The following AP3S2 variants were observed in gnomAD, a reference collection of about 807,000 sequenced individuals.
AP3S2 encodes the protein adaptor related protein complex 3 subunit sigma 2, also known as AP-3 complex subunit sigma-2.
A neutral mutation model predicts 23.4 loss-of-function variants in AP3S2; 22 were observed. The ratio of observed to expected loss-of-function variants is 0.94; its 90% CI spans 0.67 to 1.34. AP3S2 has a LOEUF of 1.34. Ranked by LOEUF, AP3S2 falls within the 40% of genes most tolerant of loss-of-function variation. The pLI is 0.00. For missense variants in AP3S2, 241 were observed against 236.9 expected (o/e 1.02, Z -0.11); for synonymous variants, 86 against 87.1 (o/e 0.99, Z 0.07).
chr15:89,875,202 T>C (rs1311114029), intron 3 of AP3S2, among the ~76,000 whole-genome samples: 7 of 152,252 alleles, frequency 4.6e-5, no homozygotes, highest in South Asian at 2.1e-4. Flanking sequence ...CCAGAGCACA[T>C]GCGAGGAGAG....
At position 89,857,161 on chromosome 15, in the gene AP3S2, G is replaced by A. The variant is rs144807329; in HGVS notation, c.345+14314C>T. ...AACTGGGCTGGGGCTGGGCACGGTG[G>A]AGGAGAGACAGGGTTTCAACATGTT... On this transcript the variant is annotated intron_variant, in intron 4 of 5. Coordinates refer to ENST00000336418, the MANE Select transcript of AP3S2 (RefSeq NM_005829.5). Among the ~76,000 whole-genome samples the A allele has an allele frequency of 2.2e-3, 342 of 152,252 alleles. 4 individuals carry two copies. The highest frequency in any genetic ancestry group is 7.7e-4 in the East Asian group (4 of 5,186).
intron 5 of AP3S2, among the ~76,000 whole-genome samples, chr15:89,837,023 C>T (rs550905140): frequency 2.0e-5 from 3 of 152,168 alleles, no homozygotes; most frequent in African/African-American, 4.8e-5. Context: ...AGGAAGGGGA[C>T]GGCGAGACCT....
At chr15:89,871,777 A>G (rs1446514024) in intron 3 of AP3S2, among the ~76,000 whole-genome samples, 4 of 152,190 alleles carry the variant, frequency 2.6e-5, no homozygotes, top group African/African-American at 9.7e-5. Flanking sequence ...ATAGCAACAC[A>G]ACCAGCAGAC....
chr15:89,877,445 CAT>C, intron 3 of AP3S2: 1 of 1,236,696 alleles, frequency 8.1e-7, no homozygotes, highest in South Asian at 1.2e-5. Flanking sequence ...ATACACGTAA[CAT>C]AAAATTTACC....
rs975770937 is a variant in AP3S2, at chr15:89,875,810, G to A, written c.274-4264C>T. Among the ~76,000 whole-genome samples, 5 of 152,160 alleles carry A rather than the reference G, an allele frequency of 3.3e-5. 1 individual carries two copies. The highest frequency in any genetic ancestry group is 2.1e-4 in the South Asian group (1 of 4,828). ...TAAAAAACACAAAAGTTAGCCAGGC[G>A]TGGTGGTGTGTGCCTGTGATTCCAG... is the stretch of plus-strand genomic sequence containing the variant. On this transcript the variant is annotated intron_variant, in intron 3 of 5. Coordinates refer to ENST00000336418, the MANE Select transcript of AP3S2 (RefSeq NM_005829.5).
chr15:89,871,569 T>TA (rs759954502), intron 3 of AP3S2, 23 bp from the exon 4 acceptor site: 1 of 1,610,782 alleles, frequency 6.2e-7, no homozygotes, highest in Non-Finnish European at 8.5e-7. Context: ...GAGAAATAGA[T>TA]AAAGAAGAGA....
chr15:89,842,685 T>C (rs563784490), intron 4 of AP3S2, among the ~76,000 whole-genome samples: 3 of 152,246 alleles, frequency 2.0e-5, no homozygotes, highest in African/African-American at 7.2e-5. Context: ...CGATCTCGGC[T>C]CAGTGCAACC....
At chr15:89,867,891 C>A (rs1156662723) in intron 4 of AP3S2, among the ~76,000 whole-genome samples, 1 of 131,150 alleles carries the variant, frequency 7.6e-6, no homozygotes, top group Non-Finnish European at 1.7e-5. Context: ...AGCGGCTCCG[C>A]CCGGCAGCCA....
intron 5 of AP3S2, among the ~76,000 whole-genome samples, chr15:89,836,149 T>C (rs1895186580): frequency 6.6e-6 from 1 of 152,074 alleles, no homozygotes; most frequent in South Asian, 2.1e-4. Context: ...AAAACAATCT[T>C]GAGGTTAGAT....
At chr15:89,836,112 C>T (rs912329396) in intron 5 of AP3S2, among the ~76,000 whole-genome samples, 1 of 152,088 alleles carries the variant, frequency 6.6e-6, no homozygotes, top group Non-Finnish European at 1.5e-5. Context: ...TTTAACTTTC[C>T]CCCCTTATTC....
At chr15:89,881,272 G>A (rs1002915981) in intron 3 of AP3S2, among the ~76,000 whole-genome samples, 1 of 152,156 alleles carries the variant, frequency 6.6e-6, no homozygotes, top group Non-Finnish European at 1.5e-5. Context: ...GCTGTAATAG[G>A]GGGCTTGGGT....
chr15:89,884,429 C>T (rs1389380355), intron 3 of AP3S2, among the ~76,000 whole-genome samples: 1 of 151,626 alleles, frequency 6.6e-6, no homozygotes, highest in African/African-American at 2.4e-5. Context: ...AAAAACCACT[C>T]AACACACAGA....
chr15:89,841,774 T>A (rs1010975477), intron 4 of AP3S2, among the ~76,000 whole-genome samples: 5 of 152,098 alleles, frequency 3.3e-5, no homozygotes, highest in Non-Finnish European at 7.4e-5. Context: ...ACAAACATCC[T>A]GCAAAACAGC....
intron 4 of AP3S2, among the ~76,000 whole-genome samples, chr15:89,847,856 G>C (rs756465405): frequency 1.8e-4 from 27 of 152,138 alleles, no homozygotes; most frequent in Non-Finnish European, 3.7e-4. Context: ...CATGAAAGCA[G>C]ACTTAAATCC....
chr15:89,876,987 A>G (rs1896457707), intron 3 of AP3S2: 1 of 280,312 alleles, frequency 3.6e-6, no homozygotes, highest in South Asian at 3.5e-5. Context: ...AATCCAGTGA[A>G]ATTTGCTGAA....
chr15:89,879,325 T>C (rs1324537067), intron 3 of AP3S2, among the ~76,000 whole-genome samples: 3 of 152,254 alleles, frequency 2.0e-5, no homozygotes, highest in Admixed American at 1.3e-4. Flanking sequence ...ACACATGCCC[T>C]TATTAAAGCA....
At chr15:89,868,927 G>T (rs1465136800) in intron 4 of AP3S2, among the ~76,000 whole-genome samples, 3 of 125,756 alleles carry the variant, frequency 2.4e-5, no homozygotes, top group Non-Finnish European at 3.3e-5. Flanking sequence ...CCGGCCAGCC[G>T]CCCCGTCCGG....
At position 89,834,118 on chromosome 15, in the gene AP3S2, G is replaced by C. The variant is rs772535288; in HGVS notation, c.*1397C>G. 6.6e-6 allele frequency: 1 copy of C among 152,368 alleles called. No homozygotes were observed. The highest frequency in any genetic ancestry group is 6.5e-5 in the Admixed American group (1 of 15,290). 9.4% of individuals were successfully genotyped at this position (152,368 alleles called of 1,614,324 possible). On this transcript the variant is annotated 3_prime_UTR_variant, in exon 6 of 6. Transcript: ENST00000336418. Reference sequence around the variant, plus strand: ...AGAATGGCACCTGAGGGAACAGAGCGTGCCCACAAGCAGACCTTGGGGAGG... The same window carrying C: ...AGAATGGCACCTGAGGGAACAGAGCCTGCCCACAAGCAGACCTTGGGGAGG...
chr15:89,877,603 C>G (rs532795069), intron 3 of AP3S2, among the ~76,000 whole-genome samples: 3 of 152,112 alleles, frequency 2.0e-5, no homozygotes, highest in African/African-American at 4.8e-5. Context: ...AATCCCAGCA[C>G]TTTGGGAGGG....
Sources: allele counts gnomAD v4.1 joint callset (sites outside exome capture counted in the v4.1 genomes callset), GRCh38; gene constraint gnomAD v4.1.1; transcripts MANE v1.5; gene names NCBI Gene and HGNC (gene_info 2026-07-23, HGNC 2026-07-21).